Variants in ADAM22 observed in about 807,000 individuals in gnomAD.
ADAM22 encodes the protein disintegrin and metalloproteinase domain-containing protein 22.
ADAM22 carries 65 observed loss-of-function variants against 144.6 expected under a neutral mutation model. That is an observed-to-expected ratio of 0.45 (90% CI 0.37 to 0.55). The LOEUF (loss-of-function observed/expected upper bound fraction) is 0.55, where lower values mean the gene tolerates loss of function less well. Ranked by LOEUF, ADAM22 falls within the 20% of genes least tolerant of loss-of-function variation. The pLI, the probability that ADAM22 is intolerant of heterozygous loss-of-function variation, is 0.00. For missense variants in ADAM22, 974 were observed against 1,184.9 expected, an observed-to-expected ratio of 0.82 and a Z score of 2.61; for synonymous variants, 391 against 412.6, an observed-to-expected ratio of 0.95 and a Z score of 0.63.
At chr7:88,134,491 T>A in intron 13 of ADAM22, 72 bp downstream of exon 13, 1 of 1,201,066 alleles carries the variant, frequency 8.3e-7, no homozygotes, top group Non-Finnish European at 1.2e-6. Flanking sequence ...GAGAGTAAAA[T>A]TTTTTGATTT....
chr7:88,044,223 G>C (rs753776213), intron 3 of ADAM22, among the ~76,000 whole-genome samples: 1 of 152,148 alleles, frequency 6.6e-6, no homozygotes, highest in Non-Finnish European at 1.5e-5. Flanking sequence ...TTTGAAGAAA[G>C]TGGTTTAAAA....
chr7:88,187,013 C>T (rs912600570), intron 30 of ADAM22, among the ~76,000 whole-genome samples: 1 of 152,168 alleles, frequency 6.6e-6, no homozygotes, highest in Non-Finnish European at 1.5e-5. Flanking sequence ...AACATACTTT[C>T]CACTAATAAA....
intron 3 of ADAM22, among the ~76,000 whole-genome samples, chr7:88,011,539 CA>C (rs774557316): frequency 0.018 from 1,635 of 90,370 alleles, 13 homozygotes; most frequent in African/African-American, 0.044. Flanking sequence ...GACTCAATCT[CA>C]AAAAAAAAAA....
intron 14 of ADAM22, 52 bp downstream of exon 14, chr7:88,136,083 G>A: frequency 1.3e-6 from 2 of 1,535,572 alleles, no homozygotes; most frequent in South Asian, 2.3e-5. Flanking sequence ...CTGCTGTGCT[G>A]TTGTCTTCTT....
At position 88,160,582 on chromosome 7, in the gene ADAM22, T is replaced by C. The variant is rs575910836; in HGVS notation, c.1908-2430T>C. Among the ~76,000 whole-genome samples, 10 of 152,190 alleles carry C rather than the reference T, an allele frequency of 6.6e-5. No homozygotes were observed. The South Asian group carries it at 2.1e-3, about 32-fold the overall frequency. ...ACACCTGCAACCATCTGATCTTCGA[T>C]GAAGCTGACAAAAACAAGTAATGGG... is the stretch of plus-strand genomic sequence containing the variant. On this transcript the variant is annotated intron_variant, in intron 22 of 31. Transcript: ENST00000413139.
chr7:88,032,838 AC>A (rs1800620036), intron 3 of ADAM22, among the ~76,000 whole-genome samples: 1 of 151,756 alleles, frequency 6.6e-6, no homozygotes, highest in Non-Finnish European at 1.5e-5. Flanking sequence ...GTGTAACACC[AC>A]CCCCTTTGCT....
intron 5 of ADAM22, among the ~76,000 whole-genome samples, chr7:88,113,379 G>A (rs575892766): frequency 2.7e-5 from 4 of 150,908 alleles, no homozygotes; most frequent in East Asian, 2.0e-4. Context: ...ATCTTCTTTC[G>A]CCTGGATTAT....
chr7:88,095,004 C>T (rs1585669902), intron 4 of ADAM22, among the ~76,000 whole-genome samples: 1 of 152,142 alleles, frequency 6.6e-6, no homozygotes, highest in South Asian at 2.1e-4. Flanking sequence ...CTCTGTTAAA[C>T]AAGACAAACA....
intron 3 of ADAM22, among the ~76,000 whole-genome samples, chr7:87,980,412 C>T (rs1047934781): frequency 2.7e-5 from 4 of 149,456 alleles, no homozygotes; most frequent in East Asian, 3.9e-4. Context: ...TTTTGTTTTT[C>T]GTGGTTTCAG....
rs994572391 is a variant in ADAM22, at chr7:88,041,216, G to A, written c.324-34410G>A. Among the ~76,000 whole-genome samples the A allele has an allele frequency of 6.6e-5, 10 of 152,022 alleles. No homozygotes were observed. The South Asian group carries it at 2.1e-3, about 31-fold the overall frequency. ...TTTACAGTCCCACCAATATTCAAGGGGAAGGAATTGTGCAGGGGGTATACA... is the reference window on the plus strand; with the variant it reads ...TTTACAGTCCCACCAATATTCAAGGAGAAGGAATTGTGCAGGGGGTATACA... On this transcript the variant is annotated intron_variant, in intron 3 of 31. Coordinates refer to ENST00000413139, the MANE Select transcript of ADAM22 (RefSeq NM_001324418.2).
At chr7:88,176,139 A>T (rs947503045) in intron 26 of ADAM22, among the ~76,000 whole-genome samples, 6 of 151,912 alleles carry the variant, frequency 3.9e-5, no homozygotes, top group Admixed American at 1.3e-4. Flanking sequence ...CACCTGGCTA[A>T]TTTTTTTGTA....
rs149209768 is a variant in ADAM22, at chr7:87,943,273, A to G, written c.246+8087A>G. Among the ~76,000 whole-genome samples the G allele has an allele frequency of 2.1e-4, 32 of 151,786 alleles. No homozygotes were observed. In the East Asian group the frequency reaches 6.0e-3, roughly 28 times the overall value. On this transcript the variant is annotated intron_variant, in intron 2 of 31. Coordinates refer to ENST00000413139, the MANE Select transcript of ADAM22 (RefSeq NM_001324418.2). Reference sequence around the variant, plus strand: ...TAGATACTGTTATACCCATTTGAAGATGAGGAAACTGAAGTTAATTAACCT... The same window carrying G: ...TAGATACTGTTATACCCATTTGAAGGTGAGGAAACTGAAGTTAATTAACCT...
intron 3 of ADAM22, among the ~76,000 whole-genome samples, chr7:88,008,369 A>T (rs1440781923): frequency 6.7e-6 from 1 of 149,960 alleles, no homozygotes; most frequent in Non-Finnish European, 1.5e-5. Flanking sequence ...AGAACTAGAA[A>T]TACCATTTGA....
At chr7:88,156,150 CAG>C (rs1025473953) in intron 22 of ADAM22, 144 bp downstream of exon 22, 5 of 829,324 alleles carry the variant, frequency 6.0e-6, no homozygotes, top group African/African-American at 5.2e-5. Flanking sequence ...TAAATCCTAA[CAG>C]AGAAGAGATA....
At chr7:88,009,884 T>A (rs1374054969) in intron 3 of ADAM22, among the ~76,000 whole-genome samples, 1 of 152,210 alleles carries the variant, frequency 6.6e-6, no homozygotes, top group Non-Finnish European at 1.5e-5. Flanking sequence ...CTGGATGTCA[T>A]TTCTACACTG....
chr7:87,986,335 CTTG>C (rs900285020), intron 3 of ADAM22, among the ~76,000 whole-genome samples: 6 of 152,126 alleles, frequency 3.9e-5, no homozygotes, highest in African/African-American at 1.4e-4. Context: ...CCAGGGTGGC[CTTG>C]TTGTTAGAGG....
intron 2 of ADAM22, among the ~76,000 whole-genome samples, chr7:87,968,550 AC>A (rs1849683288): frequency 6.6e-6 from 1 of 152,124 alleles, no homozygotes; most frequent in African/African-American, 2.4e-5. Context: ...TTCTGTCTCT[AC>A]AAAAAATTTA....
intron 5 of ADAM22, among the ~76,000 whole-genome samples, chr7:88,109,702 A>G (rs1825485444): frequency 1.3e-5 from 2 of 151,028 alleles, no homozygotes; most frequent in Non-Finnish European, 3.0e-5. Flanking sequence ...CATGATAGGT[A>G]TATTTGCTTT....
intron 11 of ADAM22, chr7:88,132,301 A>G (rs1459794829): frequency 1.3e-5 from 2 of 152,358 alleles, no homozygotes; most frequent in East Asian, 3.9e-4. Context: ...TAACACAAAC[A>G]TAATACTTTT....
Sources: allele counts gnomAD v4.1 joint callset (sites outside exome capture counted in the v4.1 genomes callset), GRCh38; gene constraint gnomAD v4.1.1; transcripts MANE v1.5; gene names NCBI Gene and HGNC (gene_info 2026-07-23, HGNC 2026-07-21).